Variants in NPAS3 observed in about 807,000 individuals in gnomAD.
NPAS3 encodes neuronal PAS domain protein 3.
Under a neutral mutation model 73.1 loss-of-function variants are expected in NPAS3, and 14 were observed. The ratio of observed to expected loss-of-function variants is 0.19; its 90% confidence interval spans 0.13 to 0.30. The LOEUF (loss-of-function observed/expected upper bound fraction) is 0.30, where lower values mean the gene tolerates loss of function less well. Ranked by LOEUF, NPAS3 falls within the 10% of genes least tolerant of loss-of-function variation. The probability of loss-of-function intolerance (pLI) is 1.00; values close to 1 mark genes in which losing one functional copy is unlikely to be tolerated. For missense variants in NPAS3, 1,096 were observed against 1,250.0 expected (o/e 0.88, Z 1.86); for synonymous variants, 620 against 541.5 (o/e 1.14, Z -2.01).
intron 4 of NPAS3, among the ~76,000 whole-genome samples, chr14:33,470,602 G>A (rs565212860): frequency 6.6e-6 from 1 of 152,266 alleles, no homozygotes; most frequent in South Asian, 2.1e-4. Context: ...AAATTCTTTA[G>A]AGGTGGGAAT....
At chr14:33,189,701 A>G (rs1032993321) in intron 2 of NPAS3, among the ~76,000 whole-genome samples, 19 of 152,196 alleles carry the variant, frequency 1.2e-4, no homozygotes, top group Admixed American at 1.0e-3. Context: ...GTCAACTTTT[A>G]TACATTTAAA....
At chr14:33,435,221 GA>G (rs2048939105) in intron 4 of NPAS3, among the ~76,000 whole-genome samples, 1 of 152,196 alleles carries the variant, frequency 6.6e-6, no homozygotes, top group Admixed American at 6.5e-5. Flanking sequence ...AAAATTTAGA[GA>G]GAAAGAGAAT....
intron 6 of NPAS3, among the ~76,000 whole-genome samples, chr14:33,679,567 G>A (rs2059875159): frequency 6.6e-6 from 1 of 152,142 alleles, no homozygotes; most frequent in Non-Finnish European, 1.5e-5. Context: ...TTTTTAAACG[G>A]TGTAATTTAG....
At chr14:33,239,046 A>G (rs1038635556) in intron 3 of NPAS3, among the ~76,000 whole-genome samples, 1 of 151,974 alleles carries the variant, frequency 6.6e-6, no homozygotes, top group Non-Finnish European at 1.5e-5. Flanking sequence ...ACAGGCTTCG[A>G]GTGAGCTAAA....
At chr14:32,992,217 A>G (rs1004510894) in intron 1 of NPAS3, among the ~76,000 whole-genome samples, 2 of 152,036 alleles carry the variant, frequency 1.3e-5, no homozygotes, top group South Asian at 2.1e-4. Context: ...CACATCCCAC[A>G]TTTGTGTCTG....
chr14:33,045,920 A>T (rs1441359227), intron 1 of NPAS3, among the ~76,000 whole-genome samples: 3 of 152,170 alleles, frequency 2.0e-5, no homozygotes, highest in African/African-American at 7.2e-5. Context: ...GATCTGGACC[A>T]TATGGAGACC....
chr14:33,133,269 A>T (rs1483578059), intron 2 of NPAS3, among the ~76,000 whole-genome samples: 5 of 152,190 alleles, frequency 3.3e-5, no homozygotes, highest in African/African-American at 1.2e-4. Context: ...TACACTACAT[A>T]AAAACACAAG....
chr14:33,407,259 T>C (rs61974965), intron 4 of NPAS3, among the ~76,000 whole-genome samples: 3,043 of 152,240 alleles, frequency 0.02, 57 homozygotes, highest in Middle Eastern at 0.061. Context: ...TCAGTGAATG[T>C]TGTTCTTGAC....
At chr14:33,652,326 T>A (rs2140236501) in intron 5 of NPAS3, among the ~76,000 whole-genome samples, 1 of 152,322 alleles carries the variant, frequency 6.6e-6, no homozygotes, top group South Asian at 2.1e-4. Context: ...TTTTCACCTT[T>A]GAAACCAGCG....
chr14:33,077,827 T>A (rs546745133), intron 2 of NPAS3, among the ~76,000 whole-genome samples: 1 of 132,430 alleles, frequency 7.6e-6, no homozygotes, highest in Admixed American at 7.9e-5. Context: ...ATAGATTTTT[T>A]ATTTTCCCTG....
At chr14:33,173,994 A>C (rs1238749898) in intron 2 of NPAS3, among the ~76,000 whole-genome samples, 1 of 152,198 alleles carries the variant, frequency 6.6e-6, no homozygotes, top group Non-Finnish European at 1.5e-5. Context: ...AGACTTTCCT[A>C]ATATTTTAAT....
At chr14:33,354,475 A>G (rs946257017) in intron 3 of NPAS3, among the ~76,000 whole-genome samples, 2 of 152,116 alleles carry the variant, frequency 1.3e-5, no homozygotes, top group Non-Finnish European at 2.9e-5. Context: ...CTCTTTATAA[A>G]TGCAGATTTT....
chr14:33,020,255 T>C (rs1312935041), intron 1 of NPAS3, among the ~76,000 whole-genome samples: 1 of 152,174 alleles, frequency 6.6e-6, no homozygotes, highest in African/African-American at 2.4e-5. Flanking sequence ...TTTATCATCA[T>C]AAATATTCCC....
intron 2 of NPAS3, among the ~76,000 whole-genome samples, chr14:33,174,201 G>A (rs1314920128): frequency 2.6e-5 from 4 of 152,150 alleles, no homozygotes; most frequent in Non-Finnish European, 5.9e-5. Flanking sequence ...AGGTGCAGAT[G>A]CCGTTTAGCC....
At chr14:33,756,369 G>A (rs868685483) in intron 7 of NPAS3, among the ~76,000 whole-genome samples, 1 of 152,166 alleles carries the variant, frequency 6.6e-6, no homozygotes, top group African/African-American at 2.4e-5. Context: ...TAACCCCCAA[G>A]AAGAATCTTA....
At chr14:33,414,521 A>C (rs2048068332) in intron 4 of NPAS3, among the ~76,000 whole-genome samples, 1 of 151,924 alleles carries the variant, frequency 6.6e-6, no homozygotes, top group Non-Finnish European at 1.5e-5. Context: ...TCTGCTCATT[A>C]CTCCTATCTT....
At chr14:33,802,990 G>A (rs1242682257), downstream of NPAS3, 1 of 152,008 alleles carries the variant, frequency 6.6e-6, no homozygotes, top group Non-Finnish European at 1.5e-5. Context: ...GGTTAATGGA[G>A]CCATTTTTCC....
intron 6 of NPAS3, among the ~76,000 whole-genome samples, chr14:33,690,894 C>G (rs1488155116): frequency 1.4e-5 from 2 of 146,018 alleles, no homozygotes; most frequent in South Asian, 4.4e-4. Context: ...AAAAACGATT[C>G]GTTAAGCCTA....
chr14:33,800,318 C>A lies in NPAS3; in HGVS notation c.2011C>A (p.Arg671=). Residue 671 remains arginine (R), a synonymous_variant, in exon 12 of 12, where the codon CGG becomes AGG. Coordinates refer to ENST00000356141, the Ensembl canonical transcript of NPAS3. This position sits in a 1 kb window ranked among gnomAD's most constrained non-coding sequence, Gnocchi z 6.5. ...CAGCATCTGGAACTACCCGCCCAAC[C>A]GGGAGATCTCCAGGAACGAGTCCCC... 1 of 1,613,330 alleles carries A rather than the reference C, an allele frequency of 6.2e-7. No homozygotes were observed. The highest frequency in any genetic ancestry group is 1.1e-5 in the South Asian group (1 of 91,062).
Sources: allele counts gnomAD v4.1 joint callset (sites outside exome capture counted in the v4.1 genomes callset), GRCh38; gene constraint gnomAD v4.1.1; non-coding constraint Gnocchi (gnomAD v3.1); transcripts MANE v1.5; gene names NCBI Gene and HGNC (gene_info 2026-07-23, HGNC 2026-07-21).